Variants in CAMTA1 observed in about 807,000 individuals in gnomAD.
The protein encoded by CAMTA1 is calmodulin-binding transcription activator 1.
A neutral mutation model predicts 170.9 loss-of-function variants in CAMTA1; 27 were observed. The ratio of observed to expected loss-of-function variants is 0.16; its 90% confidence interval spans 0.12 to 0.22. The LOEUF is 0.22. CAMTA1 is among the 10% of genes least tolerant of loss of function. CAMTA1 has a pLI of 1.00. For synonymous variants in CAMTA1, 833 were observed against 891.5 expected (o/e 0.93, Z 1.17); for missense variants, 1,619 against 2,217.2 (o/e 0.73, Z 5.42).
rs535310755 is a variant in CAMTA1, at chr1:7,325,127, G to A, written c.438+75501G>A. 3.9e-5 allele frequency among the ~76,000 whole-genome samples: 6 copies of A among 152,096 alleles called. No homozygotes were observed. The highest frequency in any genetic ancestry group is 1.3e-4 in the Admixed American group (2 of 15,270). On this transcript the variant is annotated intron_variant, in intron 5 of 22. Transcript: ENST00000303635. The surrounding 1 kb of genome is among the most constrained non-coding windows in gnomAD (Gnocchi z 5.0). ...ATACTTATTCAACATTAAATTCCAC[G>A]CACTGTTCTAGGAACATAGGAAACA... is the stretch of plus-strand genomic sequence containing the variant.
chr1:7,504,772 T>G (rs1193404338), intron 6 of CAMTA1, among the ~76,000 whole-genome samples: 1 of 152,258 alleles, frequency 6.6e-6, no homozygotes, highest in South Asian at 2.1e-4. Context: ...TCTGGACCGT[T>G]AGGGCAGCAG....
chr1:7,492,115 G>A (rs1406163805), intron 6 of CAMTA1, among the ~76,000 whole-genome samples: 2 of 152,164 alleles, frequency 1.3e-5, no homozygotes, highest in Non-Finnish European at 1.5e-5. Context: ...GTGCCCTCCC[G>A]TCCAAGAGCA....
At chr1:7,331,079 A>C (rs1409252935) in intron 5 of CAMTA1, among the ~76,000 whole-genome samples, 47 of 152,202 alleles carry the variant, frequency 3.1e-4, no homozygotes, top group Non-Finnish European at 2.9e-5. Context: ...GTCTCTACTA[A>C]AAATACAAAA....
In CAMTA1 at chr1:6,820,848, T is replaced by C. The variant is rs115283361; in HGVS notation, c.115+598T>C. ...TAATCACATGTACCTCCAGTTGGAA[T>C]TGAATGAAGTAGAGGAGGAGAGAAT... On this transcript the variant is annotated intron_variant, in intron 2 of 22. Coordinates refer to ENST00000303635, the MANE Select transcript of CAMTA1 (RefSeq NM_015215.4). Among the ~76,000 whole-genome samples, 583 of 152,350 alleles carry C rather than the reference T, an allele frequency of 3.8e-3. 5 individuals are homozygous for C. Among genetic ancestry groups the C allele is most frequent in the African/African-American group, 0.013 (542 of 41,588 alleles).
intron 3 of CAMTA1, among the ~76,000 whole-genome samples, chr1:6,967,010 G>C (rs1191365496): frequency 6.6e-6 from 1 of 152,024 alleles, no homozygotes; most frequent in African/African-American, 2.4e-5. Flanking sequence ...GGGAGGCCGA[G>C]GTGGGTGGAT....
At chr1:7,583,166 C>T (rs887737728) in intron 6 of CAMTA1, among the ~76,000 whole-genome samples, 1 of 152,034 alleles carries the variant, frequency 6.6e-6, no homozygotes, top group African/African-American at 2.4e-5. Flanking sequence ...AAAGGGGATC[C>T]CTTCCCCAAC....
At chr1:7,713,287 G>A (rs188038042) in intron 11 of CAMTA1, among the ~76,000 whole-genome samples, 14 of 152,280 alleles carry the variant, frequency 9.2e-5, no homozygotes, top group Non-Finnish European at 2.1e-4. Context: ...TAGCACCTGA[G>A]CCTGATGAGA....
intron 7 of CAMTA1, among the ~76,000 whole-genome samples, chr1:7,645,153 G>T (rs2095794185): frequency 6.6e-6 from 1 of 152,206 alleles, no homozygotes; most frequent in Non-Finnish European, 1.5e-5. Context: ...ACTGAGAGAT[G>T]ACTTTGAGTG....
At chr1:7,667,031 G>A (rs114212483) in intron 9 of CAMTA1, among the ~76,000 whole-genome samples, 2,059 of 152,234 alleles carry the variant, frequency 0.014, 46 homozygotes, top group African/African-American at 0.047. Context: ...TGGGGTTACA[G>A]ACACACCCTG....
intron 3 of CAMTA1, among the ~76,000 whole-genome samples, chr1:7,031,955 C>CTTATTTAT (rs375747945): frequency 1.4e-4 from 21 of 151,842 alleles, no homozygotes; most frequent in Non-Finnish European, 2.5e-4. Context: ...CCCCTTTTCT[C>CTTATTTAT]TTATTTATTT....
Position 7,736,660 on chromosome 1 carries a change from A to G in CAMTA1, c.3263+120A>G. The G allele has an allele frequency of 1.0e-6, 1 of 996,080 alleles. No homozygotes were observed. Among genetic ancestry groups the G allele is most frequent in the Non-Finnish European group, 1.5e-6 (1 of 653,378 alleles). The allele number at this position is 996,080 out of a possible 1,614,324, so 61.7% of individuals were successfully genotyped here. A position where few individuals can be genotyped will look rare whatever the true frequency, so the allele number is the denominator to read the frequency against. On this transcript the variant is annotated intron_variant, in intron 13 of 22. Coordinates refer to ENST00000303635, the MANE Select transcript of CAMTA1 (RefSeq NM_015215.4). This position sits in a 1 kb window ranked among gnomAD's most constrained non-coding sequence, Gnocchi z 4.5. Reference sequence around the variant, plus strand: ...TCAGTCCACTTTATAGCCGGCGAGCAAAGGGCTTTGTCCTTGGACAGTTTC... The same window carrying G: ...TCAGTCCACTTTATAGCCGGCGAGCGAAGGGCTTTGTCCTTGGACAGTTTC...
intron 6 of CAMTA1, among the ~76,000 whole-genome samples, chr1:7,536,395 G>A (rs1329333978): frequency 9.9e-5 from 15 of 152,186 alleles, no homozygotes; most frequent in Non-Finnish European, 7.3e-5. Flanking sequence ...CCTGCCCCTG[G>A]GTTCACTCTG....
chr1:6,806,474 G>C (rs1362890200), intron 1 of CAMTA1, among the ~76,000 whole-genome samples: 1 of 152,204 alleles, frequency 6.6e-6, no homozygotes, highest in African/African-American at 2.4e-5. Flanking sequence ...TTATGGATTT[G>C]CTGTATGCTT....
At chr1:7,222,945 T>C (rs1433024407) in intron 4 of CAMTA1, among the ~76,000 whole-genome samples, 2 of 152,256 alleles carry the variant, frequency 1.3e-5, no homozygotes, top group East Asian at 3.8e-4. Context: ...CGGCACCCTG[T>C]GTGGCACAGA....
At chr1:7,141,556 G>A (rs896533516) in intron 4 of CAMTA1, among the ~76,000 whole-genome samples, 1 of 152,148 alleles carries the variant, frequency 6.6e-6, no homozygotes, top group South Asian at 2.1e-4. Context: ...GGGCACACTA[G>A]GTGCAGGGAT....
chr1:7,502,883 G>A (rs1218224135), intron 6 of CAMTA1, among the ~76,000 whole-genome samples: 2 of 152,202 alleles, frequency 1.3e-5, no homozygotes, highest in Admixed American at 6.5e-5. Flanking sequence ...GAGGCAGGCA[G>A]CCCTGCCCTG....
chr1:6,901,612 A>T (rs995050032), intron 3 of CAMTA1, among the ~76,000 whole-genome samples: 4 of 152,202 alleles, frequency 2.6e-5, no homozygotes, highest in Non-Finnish European at 4.4e-5. Context: ...CACATGAAGA[A>T]TGTTCAACAG....
chr1:7,351,885 G>A (rs192845211), intron 5 of CAMTA1, among the ~76,000 whole-genome samples: 7 of 152,316 alleles, frequency 4.6e-5, no homozygotes, highest in African/African-American at 1.2e-4. Context: ...ATGAGCCTCC[G>A]ACCAAGAGGA....
intron 3 of CAMTA1, among the ~76,000 whole-genome samples, chr1:6,954,270 G>A (rs11120796): frequency 0.32 from 48,035 of 152,100 alleles, 8,285 homozygotes; most frequent in Non-Finnish European, 0.4. Context: ...CAGGTGCCCC[G>A]TGGAAAGACT....
Sources: gnomAD v4.1 joint callset for allele counts (sites outside exome capture counted in the v4.1 genomes callset) on GRCh38, gnomAD v4.1.1 for gene constraint, Gnocchi (gnomAD v3.1) non-coding constraint, MANE v1.5 for transcripts, NCBI Gene and HGNC (gene_info 2026-07-23, HGNC 2026-07-21) for gene names.